The following MORC2 variants were observed in gnomAD, a reference collection of about 807,000 sequenced individuals.
The protein encoded by MORC2 is ATPase MORC2.
A neutral mutation model predicts 136.0 loss-of-function variants in MORC2; 30 were observed. The observed-to-expected ratio is 0.22, with a 90% CI of 0.17 to 0.30. The LOEUF is 0.30. Ranked by LOEUF, MORC2 falls within the 10% of genes least tolerant of loss-of-function variation. The probability of loss-of-function intolerance (pLI) is 1.00; values close to 1 mark genes in which losing one functional copy is unlikely to be tolerated. For synonymous variants in MORC2, 439 were observed against 487.0 expected, an observed-to-expected ratio of 0.90 and a Z score of 1.30; for missense variants, 922 against 1,333.1, an observed-to-expected ratio of 0.69 and a Z score of 4.80.
intron 2 of MORC2, among the ~76,000 whole-genome samples, chr22:30,957,179 T>C (rs766194575): frequency 6.6e-6 from 1 of 152,266 alleles, no homozygotes; most frequent in Non-Finnish European, 1.5e-5. Flanking sequence ...TCCAATAACT[T>C]GTCCACTTTT....
chr22:30,964,937 T>C (rs538726572), intron 1 of MORC2, among the ~76,000 whole-genome samples: 11 of 152,342 alleles, frequency 7.2e-5, no homozygotes, highest in African/African-American at 1.9e-4. Flanking sequence ...ATTCACACAA[T>C]GTTTACTGTG....
At chr22:30,926,960 A>T (rs2040493958) in intron 25 of MORC2, 89 bp from the exon 26 acceptor site, 2 of 1,131,326 alleles carry the variant, frequency 1.8e-6, no homozygotes, top group African/African-American at 3.1e-5. Flanking sequence ...CCTGGGATGG[A>T]GCCCAGAGTC....
At position 30,937,236 on chromosome 22, in the gene MORC2, T is replaced by C. The variant is rs371334522; in HGVS notation, c.1499-199A>G. Among the ~76,000 whole-genome samples, 61 of 152,262 alleles carry C rather than the reference T, an allele frequency of 4.0e-4. No homozygotes were observed. The South Asian group carries it at 0.012, about 31-fold the overall frequency. ...TTCCAGGAAGGATGGAAACTTAATA[T>C]GCTGGACTCTTAACACCCCCAGCCC... On this transcript the variant is annotated intron_variant, in intron 15 of 25. Coordinates refer to ENST00000397641, the MANE Select transcript of MORC2 (RefSeq NM_001303256.3). This position sits in a 1 kb window ranked among gnomAD's most constrained non-coding sequence, Gnocchi z 4.7.
chr22:30,933,178 G>T, intron 21 of MORC2, 148 bp from the exon 22 acceptor site: 1 of 1,220,312 alleles, frequency 8.2e-7, no homozygotes, highest in Non-Finnish European at 1.1e-6. Flanking sequence ...ACAGAGACCA[G>T]GGACCAGCCA....
At chr22:30,956,031 T>C (rs565827748) in intron 3 of MORC2, among the ~76,000 whole-genome samples, 3 of 148,866 alleles carry the variant, frequency 2.0e-5, no homozygotes, top group Non-Finnish European at 4.4e-5. Flanking sequence ...AAAAAAGCTG[T>C]CTTCCTCCAT....
rs570761915 is a variant in MORC2, at chr22:30,967,796, C to T, written c.68+26G>A. On this transcript the variant is annotated intron_variant, in intron 1 of 25. Coordinates refer to ENST00000397641, the MANE Select transcript of MORC2 (RefSeq NM_001303256.3). ...TATCAAGGAACGAGTTACTGGTTACCTCAGTGGCACCTAGAGGATACTTAC... is the reference window on the plus strand; with the variant it reads ...TATCAAGGAACGAGTTACTGGTTACTTCAGTGGCACCTAGAGGATACTTAC... The T allele has an allele frequency of 4.5e-6, 7 of 1,550,664 alleles. No homozygotes were observed. The African/African-American group carries it at 8.2e-5, about 18-fold the overall frequency.
intron 1 of MORC2, among the ~76,000 whole-genome samples, chr22:30,960,364 G>A (rs2041025282): frequency 6.6e-6 from 1 of 152,102 alleles, no homozygotes; most frequent in Middle Eastern, 3.2e-3. Context: ...CTAATCCAAA[G>A]GCAGCACGAC....
At position 30,937,878 on chromosome 22, in the gene MORC2, A is replaced by C; in HGVS notation, c.1306T>G (p.Tyr436Asp). Reference sequence around the variant, plus strand: ...CCCATTGCTCGGAGCAGGTGCCGGTACTCCTTGGCATCAGCAAAGTCCTGT... The same window carrying C: ...CCCATTGCTCGGAGCAGGTGCCGGTCCTCCTTGGCATCAGCAAAGTCCTGT... ...NKQDFADAKE[Y>D]RHLLRAMGEH... The change falls in exon 14 of 26, where the codon TAC becomes GAC. Residue 436 changes from tyrosine to aspartate, a missense_variant. Physicochemically the swap from Tyr to Asp is radical, Grantham distance 160 (BLOSUM62 -3). This residue lies in a region of MORC2 where 119 missense variants were observed against 202.7 expected (regional missense o/e 0.59). Coordinates refer to ENST00000397641, the MANE Select transcript of MORC2 (RefSeq NM_001303256.3). This position sits in a 1 kb window ranked among gnomAD's most constrained non-coding sequence, Gnocchi z 4.7. 2 of 1,613,894 alleles carry C rather than the reference A, an allele frequency of 1.2e-6. No homozygotes were observed. The highest frequency in any genetic ancestry group is 1.7e-6 in the Non-Finnish European group (2 of 1,179,986).
Position 30,967,925 on chromosome 22 carries a change from C to T in MORC2, c.-36G>A. ...AGGTCTCCAGCCCTTCACCCGCTAA[C>T]TGGGAAATATAACCTTATAATGATA... is the stretch of plus-strand genomic sequence containing the variant. On this transcript the variant is annotated 5_prime_UTR_variant, in exon 1 of 26. Transcript: ENST00000397641. 1 of 1,454,834 alleles carries T rather than the reference C, an allele frequency of 6.9e-7. No individual in the cohort carries two copies. The highest frequency in any genetic ancestry group is 9.4e-7 in the Non-Finnish European group (1 of 1,059,596). 90.1% of individuals were successfully genotyped at this position (1,454,834 alleles called of 1,614,324 possible).
At chr22:30,940,505 T>A (rs999443744) in intron 10 of MORC2, among the ~76,000 whole-genome samples, 1 of 152,090 alleles carries the variant, frequency 6.6e-6, no homozygotes, top group African/African-American at 2.4e-5. Flanking sequence ...ATTCTTCAAT[T>A]GGGATAAGCC....
intron 3 of MORC2, among the ~76,000 whole-genome samples, chr22:30,950,780 A>G (rs2040875845): frequency 6.6e-6 from 1 of 152,188 alleles, no homozygotes; most frequent in African/African-American, 2.4e-5. Context: ...CACCTGGATT[A>G]CTATCACTTC....
chr22:30,956,902 G>A, intron 2 of MORC2, 105 bp from the exon 3 acceptor site: 2 of 906,594 alleles, frequency 2.2e-6, no homozygotes, highest in Non-Finnish European at 3.3e-6. Flanking sequence ...TCTGTTTTCA[G>A]GAAGCCATAC....
chr22:30,964,663 T>C (rs1785944741), intron 1 of MORC2, among the ~76,000 whole-genome samples: 1 of 152,232 alleles, frequency 6.6e-6, no homozygotes, highest in South Asian at 2.1e-4. Flanking sequence ...CAACATCTGA[T>C]GTTAAATTAA....
chr22:30,932,374 T>A lies in MORC2; in HGVS notation c.2826A>T (p.Leu942=), dbSNP rs2040588191. The change falls in exon 24 of 26, where the codon CTA becomes CTT. Residue 942 remains leucine, a synonymous_variant. Coordinates refer to ENST00000397641, the MANE Select transcript of MORC2 (RefSeq NM_001303256.3). This position sits in a 1 kb window ranked among gnomAD's most constrained non-coding sequence, Gnocchi z 4.4. The part of the protein sequence containing the change: ...KQLSAMNSDE[L]ISFPLKEYFK... ...CCAGACTCACCAGAGGAAAAGATAT[T>A]AGCTCATCTGAATTCATAGCACTCA... The A allele has an allele frequency of 6.2e-7, 1 of 1,613,594 alleles. No homozygotes were observed. The highest frequency in any genetic ancestry group is 8.5e-7 in the Non-Finnish European group (1 of 1,179,648).
intron 21 of MORC2, 40 bp downstream of exon 21, chr22:30,933,426 C>T: frequency 1.2e-6 from 2 of 1,608,266 alleles, no homozygotes; most frequent in African/African-American, 1.3e-5. Flanking sequence ...CTCCCACTCC[C>T]ACCCCCGCCA....
At chr22:30,951,228 C>T (rs574315764) in intron 3 of MORC2, among the ~76,000 whole-genome samples, 3 of 152,316 alleles carry the variant, frequency 2.0e-5, no homozygotes, top group South Asian at 2.1e-4. Context: ...CAACAAACTA[C>T]GGCTGCCATT....
At position 30,953,403 on chromosome 22, in the gene MORC2, G is replaced by C. The variant is rs527722593; in HGVS notation, c.158-2958C>G. On this transcript the variant is annotated intron_variant, in intron 3 of 25. Transcript: ENST00000397641. The stretch of plus-strand genomic sequence containing the variant: ...AATCTGAAAGTCTGCACATCTCCCA[G>C]AATGGCCAAGTCTGGCTTCTGCAAG... Among the ~76,000 whole-genome samples the C allele has an allele frequency of 3.3e-5, 5 of 152,338 alleles. No homozygotes were observed. In the South Asian group the frequency reaches 1.0e-3, roughly 32 times the overall value.
At chr22:30,947,326 A>G (rs1170311691) in intron 5 of MORC2, among the ~76,000 whole-genome samples, 1 of 152,244 alleles carries the variant, frequency 6.6e-6, no homozygotes, top group Non-Finnish European at 1.5e-5. Context: ...AGGCAGGGAC[A>G]GGCCTTTCCA....
chr22:30,962,252 T>C (rs1451520101), intron 1 of MORC2, among the ~76,000 whole-genome samples: 4 of 151,274 alleles, frequency 2.6e-5, no homozygotes, highest in Non-Finnish European at 5.9e-5. Flanking sequence ...GTGCCTTGCA[T>C]ATTTAGAACT....
Sources: allele counts gnomAD v4.1 joint callset (sites outside exome capture counted in the v4.1 genomes callset), GRCh38; gene constraint gnomAD v4.1.1; regional missense constraint gnomAD v4.1.1; non-coding constraint Gnocchi (gnomAD v3.1); transcripts MANE v1.5; gene names NCBI Gene and HGNC (gene_info 2026-07-23, HGNC 2026-07-21).